ARID5B: variants seen among roughly 807,000 people sequenced by gnomAD.
ARID5B encodes AT-rich interactive domain-containing protein 5B.
Under a neutral mutation model 97.2 loss-of-function variants are expected in ARID5B, and 13 were observed. That is an observed-to-expected ratio of 0.13 (90% CI 0.09 to 0.21). The LOEUF (loss-of-function observed/expected upper bound fraction) is 0.21, where lower values mean the gene tolerates loss of function less well. Ranked by LOEUF, ARID5B falls within the 10% of genes least tolerant of loss-of-function variation. The pLI is 1.00. For missense variants in ARID5B, 1,210 were observed against 1,465.3 expected, an observed-to-expected ratio of 0.83 and a Z score of 2.84; for synonymous variants, 556 against 570.3, an observed-to-expected ratio of 0.97 and a Z score of 0.36.
intron 3 of ARID5B, among the ~76,000 whole-genome samples, chr10:61,943,660 G>T (rs1016297699): frequency 6.6e-6 from 1 of 152,098 alleles, no homozygotes; most frequent in Middle Eastern, 3.4e-3. Flanking sequence ...GCTCATTAAA[G>T]CACTTTTCTT....
chr10:62,026,299 C>T (rs891297856), intron 4 of ARID5B, among the ~76,000 whole-genome samples: 2 of 152,182 alleles, frequency 1.3e-5, no homozygotes, highest in African/African-American at 4.8e-5. Context: ...TACCTATTAG[C>T]AGATATGTGT....
rs1219774338 is a variant in ARID5B at position 61,958,821 on chromosome 10, A to G, written c.502+18413A>G. Among the ~76,000 whole-genome samples, 3 of 152,252 alleles carry G rather than the reference A, an allele frequency of 2.0e-5. No homozygotes were observed. The South Asian group carries it at 6.2e-4, about 32-fold the overall frequency. ...TTCATTTTGAGGTTGTCTGGTTAAC[A>G]GAAGAAATATGTATATTGTATATTC... On this transcript the variant is annotated intron_variant, in intron 3 of 9. Coordinates refer to ENST00000279873, the MANE Select transcript of ARID5B (RefSeq NM_032199.3).
intron 2 of ARID5B, among the ~76,000 whole-genome samples, chr10:61,933,152 T>A (rs1484270860): frequency 6.6e-6 from 1 of 152,248 alleles, no homozygotes; most frequent in Non-Finnish European, 1.5e-5. Flanking sequence ...AGAAACCCCT[T>A]TCTTTACTCA....
intron 2 of ARID5B, among the ~76,000 whole-genome samples, chr10:61,937,831 G>A (rs2132792504): frequency 6.6e-6 from 1 of 152,300 alleles, no homozygotes; most frequent in South Asian, 2.1e-4. Flanking sequence ...TGTTTCCTGA[G>A]ACATTTTCTA....
At chr10:62,020,845 G>A (rs550231950) in intron 4 of ARID5B, among the ~76,000 whole-genome samples, 21 of 151,842 alleles carry the variant, frequency 1.4e-4, no homozygotes, top group African/African-American at 3.9e-4. Flanking sequence ...TGAAAGGAGC[G>A]GTTATTGGGA....
intron 8 of ARID5B, among the ~76,000 whole-genome samples, chr10:62,077,847 A>G (rs1351036415): frequency 1.3e-5 from 2 of 152,252 alleles, no homozygotes; most frequent in Admixed American, 1.3e-4. Flanking sequence ...CTTTTCAGTT[A>G]TGTGAGTAAC....
intron 3 of ARID5B, among the ~76,000 whole-genome samples, chr10:61,957,589 C>G (rs1589234774): frequency 6.6e-6 from 1 of 152,114 alleles, no homozygotes; most frequent in East Asian, 1.9e-4. Context: ...TTTTAACTGT[C>G]ATATATTTAG....
chr10:61,918,315 T>C (rs983875099), intron 2 of ARID5B, among the ~76,000 whole-genome samples: 2 of 152,252 alleles, frequency 1.3e-5, no homozygotes, highest in African/African-American at 4.8e-5. Flanking sequence ...TTAATCTCTC[T>C]GGCATCTCAG....
chr10:61,994,316 A>C (rs1460162380), intron 3 of ARID5B, among the ~76,000 whole-genome samples: 1 of 152,112 alleles, frequency 6.6e-6, no homozygotes, highest in African/African-American at 2.4e-5. Context: ...CAGTAAGCAT[A>C]ATAGTGTGAT....
chr10:62,095,076 A>G lies in ARID5B; in HGVS notation c.*2046A>G, dbSNP rs868242977. The G allele has an allele frequency of 1.7e-5, 4 of 229,260 alleles. No homozygotes were observed. Among genetic ancestry groups the G allele is most frequent in the Admixed American group, 5.7e-5 (1 of 17,632 alleles). 14.2% of individuals were successfully genotyped at this position (229,260 alleles called of 1,614,324 possible). On this transcript the variant is annotated 3_prime_UTR_variant, in exon 10 of 10. Transcript: ENST00000279873. ...AGTGTTAAGAGTTCCATTTGCTTCA[A>G]TTAATTATTTACCTTCCTGTGGAAT...
chr10:62,046,069 A>G (rs1031754852), intron 4 of ARID5B, among the ~76,000 whole-genome samples: 1 of 152,210 alleles, frequency 6.6e-6, no homozygotes, highest in Admixed American at 6.5e-5. Context: ...ATTTCTCGAG[A>G]GAATATGTAG....
chr10:61,976,999 T>A (rs946925700), intron 3 of ARID5B, among the ~76,000 whole-genome samples: 3 of 152,146 alleles, frequency 2.0e-5, no homozygotes, highest in African/African-American at 7.2e-5. Context: ...CCTAATGCTA[T>A]CCCTCTCCCC....
intron 4 of ARID5B, among the ~76,000 whole-genome samples, chr10:62,022,216 T>C (rs1282078297): frequency 6.6e-6 from 1 of 152,214 alleles, no homozygotes; most frequent in Non-Finnish European, 1.5e-5. Context: ...ATGTGAGCAA[T>C]GAGGTTCTCT....
chr10:61,996,387 T>G (rs11814477), intron 3 of ARID5B, among the ~76,000 whole-genome samples: 7,673 of 152,210 alleles, frequency 0.05, 284 homozygotes, highest in Non-Finnish European at 0.066. Context: ...AGACATTTTA[T>G]CCTAATGAAA....
In ARID5B at chr10:62,091,103, T is replaced by C; in HGVS notation, c.1640T>C (p.Leu547Pro). The change falls in exon 10 of 10, where the codon CTG becomes CCG. Residue 547 changes from leucine to proline, a missense_variant. Physicochemically the swap from Leu to Pro is moderately conservative, Grantham distance 98. This residue lies in a region of ARID5B where 800 missense variants were observed against 839.1 expected (regional missense o/e 0.95). Coordinates refer to ENST00000279873, the MANE Select transcript of ARID5B (RefSeq NM_032199.3). Reference protein sequence around the residue: ...GPTPPLPSAPLAPEKDSALVP... With the variant: ...GPTPPLPSAPPAPEKDSALVP... ...ACACCTCCACTCCCAAGTGCTCCTCTGGCCCCAGAAAAAGATTCAGCCTTG... is the reference window on the plus strand; with the variant it reads ...ACACCTCCACTCCCAAGTGCTCCTCCGGCCCCAGAAAAAGATTCAGCCTTG... The C allele has an allele frequency of 6.2e-7, 1 of 1,614,126 alleles. No individual in the cohort carries two copies. The highest frequency in any genetic ancestry group is 8.5e-7 in the Non-Finnish European group (1 of 1,180,006).
intron 7 of ARID5B, among the ~76,000 whole-genome samples, chr10:62,060,099 A>T (rs1341988780): frequency 6.6e-6 from 1 of 152,232 alleles, no homozygotes; most frequent in Non-Finnish European, 1.5e-5. Flanking sequence ...TTGCAATTGA[A>T]TAAGAACTTA....
chr10:61,967,004 G>A (rs574896227), intron 3 of ARID5B, among the ~76,000 whole-genome samples: 2 of 152,112 alleles, frequency 1.3e-5, no homozygotes, highest in South Asian at 4.2e-4. Context: ...AGAAATAATG[G>A]TTAGCTCAGA....
chr10:61,988,780 T>A (rs530724330), intron 3 of ARID5B, among the ~76,000 whole-genome samples: 1 of 152,276 alleles, frequency 6.6e-6, no homozygotes, highest in Admixed American at 6.5e-5. Context: ...TGCTGTTCAA[T>A]AAGGTAGCCA....
At chr10:61,979,085 CAG>C (rs1315562649) in intron 3 of ARID5B, among the ~76,000 whole-genome samples, 1 of 152,178 alleles carries the variant, frequency 6.6e-6, no homozygotes, top group African/African-American at 2.4e-5. Flanking sequence ...AGCCACGACA[CAG>C]AGCTCATCGG....
Sources: allele counts gnomAD v4.1 joint callset (sites outside exome capture counted in the v4.1 genomes callset), GRCh38; gene constraint gnomAD v4.1.1; regional missense constraint gnomAD v4.1.1; transcripts MANE v1.5; gene names NCBI Gene and HGNC (gene_info 2026-07-23, HGNC 2026-07-21).